RERE: variants seen among roughly 807,000 people sequenced by gnomAD.
The protein encoded by RERE is arginine-glutamic acid dipeptide repeats.
Under a neutral mutation model 146.1 loss-of-function variants are expected in RERE, and 40 were observed. The ratio of observed to expected loss-of-function variants is 0.27; its 90% CI spans 0.21 to 0.36. The LOEUF (loss-of-function observed/expected upper bound fraction) is 0.36, where lower values mean the gene tolerates loss of function less well. RERE is among the 10% of genes least tolerant of loss of function. The pLI, the probability that RERE is intolerant of heterozygous loss-of-function variation, is 1.00. For missense variants in RERE, 1,933 were observed against 2,138.7 expected, an observed-to-expected ratio of 0.90 and a Z score of 1.90; for synonymous variants, 1,003 against 866.0, an observed-to-expected ratio of 1.16 and a Z score of -2.78.
intron 11 of RERE, chr1:8,465,577 G>A (rs1408629286): frequency 2.7e-6 from 1 of 368,058 alleles, no homozygotes. Context: ...TAGGTTATAT[G>A]TCCACGGGTT....
chr1:8,668,051 C>T (rs1203632819), intron 1 of RERE, among the ~76,000 whole-genome samples: 1 of 152,204 alleles, frequency 6.6e-6, no homozygotes, highest in East Asian at 1.9e-4. Flanking sequence ...AGCAAATATG[C>T]CCACAGTTGA....
Position 8,361,155 on chromosome 1 carries a change from G to A in RERE, c.2352C>T (p.Ala784=). The A allele has an allele frequency of 1.4e-6, 2 of 1,449,710 alleles. No individual in the cohort carries two copies. Among genetic ancestry groups the A allele is most frequent in the East Asian group, 2.5e-5 (1 of 40,414 alleles). The allele number at this position is 1,449,710 out of a possible 1,614,324, so 89.8% of individuals were successfully genotyped here. ...PPQGSPTASQ[A]PNQPQAPTAP... ...CTGTGGGAGCCTGTGGCTGGTTAGGGGCCTGGGAGGCCGTGGGGGAGCCCT... is the reference window on the plus strand; with the variant it reads ...CTGTGGGAGCCTGTGGCTGGTTAGGAGCCTGGGAGGCCGTGGGGGAGCCCT... The change falls in exon 18 of 23, where the codon GCC becomes GCT. Residue 784 remains alanine (A), a synonymous_variant. Transcript: ENST00000400908.
Position 8,681,179 on chromosome 1 carries a change from C to T in RERE, c.-144-24738G>A, listed in dbSNP as rs897617180. Among the ~76,000 whole-genome samples the T allele has an allele frequency of 2.6e-5, 4 of 152,100 alleles. No homozygotes were observed. The East Asian group carries it at 7.7e-4, about 29-fold the overall frequency. On this transcript the variant is annotated intron_variant, in intron 1 of 22. Coordinates refer to ENST00000400908, the MANE Select transcript of RERE (RefSeq NM_001042681.2). ...GGGGCAGGGGGCAGGAGAGAAACGG[C>T]CAACAATAAGCTACTATTCTCCTAC...
chr1:8,669,182 C>T (rs974431900), intron 1 of RERE, among the ~76,000 whole-genome samples: 1 of 151,330 alleles, frequency 6.6e-6, no homozygotes, highest in Non-Finnish European at 1.5e-5. Context: ...AAGCAATACC[C>T]CCCCCAACTC....
intron 10 of RERE, among the ~76,000 whole-genome samples, chr1:8,478,237 C>T (rs1002658056): frequency 6.6e-6 from 1 of 152,224 alleles, no homozygotes; most frequent in African/African-American, 2.4e-5. Context: ...CAAACTCTAA[C>T]AGTTGCACAT....
chr1:8,458,771 T>C (rs1192827402), intron 11 of RERE, among the ~76,000 whole-genome samples: 1 of 152,132 alleles, frequency 6.6e-6, no homozygotes, highest in Non-Finnish European at 1.5e-5. Flanking sequence ...GACCACAGCA[T>C]AAAGAGGAAG....
intron 1 of RERE, among the ~76,000 whole-genome samples, chr1:8,814,886 C>T (rs1370404766): frequency 6.6e-6 from 1 of 152,154 alleles, no homozygotes; most frequent in Non-Finnish European, 1.5e-5. Flanking sequence ...AAATTAATGT[C>T]GAAGCACAAC....
At position 8,398,070 on chromosome 1, in the gene RERE, G is replaced by C. The variant is rs1266650870; in HGVS notation, c.1284+24657C>G. 2.0e-5 allele frequency among the ~76,000 whole-genome samples: 3 copies of C among 152,212 alleles called. No individual in the cohort carries two copies. The East Asian group carries it at 5.8e-4, about 29-fold the overall frequency. The stretch of plus-strand genomic sequence containing the variant: ...AAGAGAGGCATGATGTTCTACAGGG[G>C]TATTCAAAGGACAGAGTTATATCCT... On this transcript the variant is annotated intron_variant, in intron 12 of 22. Coordinates refer to ENST00000400908, the MANE Select transcript of RERE (RefSeq NM_001042681.2).
intron 12 of RERE, among the ~76,000 whole-genome samples, chr1:8,412,719 T>C (rs988356779): frequency 1.3e-5 from 2 of 152,238 alleles, no homozygotes; most frequent in Non-Finnish European, 2.9e-5. Flanking sequence ...GTTGATTTAC[T>C]GCGCACAATA....
intron 12 of RERE, among the ~76,000 whole-genome samples, chr1:8,404,302 AG>A (rs1250027066): frequency 6.6e-6 from 1 of 152,056 alleles, no homozygotes; most frequent in East Asian, 1.9e-4. Context: ...CTGTAGTCCC[AG>A]GTACTCGGAG....
intron 3 of RERE, among the ~76,000 whole-genome samples, chr1:8,615,942 T>A (rs1231350793): frequency 6.6e-6 from 1 of 152,166 alleles, no homozygotes; most frequent in Non-Finnish European, 1.5e-5. Context: ...CAGTCTCTGA[T>A]TCTCATGGCC....
At chr1:8,501,135 C>A (rs1225809397) in intron 8 of RERE, among the ~76,000 whole-genome samples, 1 of 147,600 alleles carries the variant, frequency 6.8e-6, no homozygotes, top group Non-Finnish European at 1.5e-5. Flanking sequence ...GCCCCTCTGC[C>A]CGGCCAGCTG....
At chr1:8,439,907 C>T (rs1197345007) in intron 11 of RERE, among the ~76,000 whole-genome samples, 2 of 151,972 alleles carry the variant, frequency 1.3e-5, no homozygotes, top group African/African-American at 4.8e-5. Context: ...ACCCCGTCTA[C>T]ACTAAAAATA....
chr1:8,386,144 T>C (rs1415024297), intron 12 of RERE, among the ~76,000 whole-genome samples: 2 of 148,512 alleles, frequency 1.3e-5, no homozygotes, highest in Non-Finnish European at 3.0e-5. Context: ...TCATGAATAC[T>C]TATATCCCAA....
chr1:8,501,776 C>T lies in RERE; in HGVS notation c.880-4247G>A, dbSNP rs1394386154. Among the ~76,000 whole-genome samples the T allele has an allele frequency of 3.4e-5, 4 of 118,812 alleles. 1 individual carries two copies. Among genetic ancestry groups the T allele is most frequent in the African/African-American group, 1.3e-4 (4 of 31,420 alleles). The allele number at this position is 118,812 out of a possible 152,430, so 77.9% of individuals were successfully genotyped here. On this transcript the variant is annotated intron_variant, in intron 8 of 22. Coordinates refer to ENST00000400908, the MANE Select transcript of RERE (RefSeq NM_001042681.2). The stretch of plus-strand genomic sequence containing the variant: ...GAGGGAGGTGGGGGGATCAGCCCCC[C>T]GCCTGGCCAGCCGCCCCGACCGGGA...
intron 2 of RERE, among the ~76,000 whole-genome samples, chr1:8,643,620 G>A (rs1647211333): frequency 6.6e-6 from 1 of 152,198 alleles, no homozygotes; most frequent in African/African-American, 2.4e-5. Flanking sequence ...GTGGCTGCAC[G>A]CTGCCAAAGG....
At chr1:8,750,353 T>C in intron 1 of RERE, 2 of 620,638 alleles carry the variant, frequency 3.2e-6, no homozygotes, top group South Asian at 3.8e-5. Flanking sequence ...GAAACCATTC[T>C]GCCTCATTCA....
At chr1:8,743,275 G>A (rs907146457) in intron 1 of RERE, among the ~76,000 whole-genome samples, 1 of 151,984 alleles carries the variant, frequency 6.6e-6, no homozygotes, top group East Asian at 1.9e-4. Context: ...GCGCGTGCCT[G>A]TAGTCCTATC....
intron 10 of RERE, among the ~76,000 whole-genome samples, chr1:8,469,617 C>T (rs1165772190): frequency 6.6e-6 from 1 of 151,814 alleles, no homozygotes; most frequent in Non-Finnish European, 1.5e-5. Flanking sequence ...AGTGAGACCC[C>T]GTCTCAAAAA....
Sources: allele counts gnomAD v4.1 joint callset (sites outside exome capture counted in the v4.1 genomes callset), GRCh38; gene constraint gnomAD v4.1.1; transcripts MANE v1.5; gene names NCBI Gene and HGNC (gene_info 2026-07-23, HGNC 2026-07-21).